The following DPYSL2 variants were observed in gnomAD, a reference collection of about 807,000 sequenced individuals.
DPYSL2 encodes dihydropyrimidinase-related protein 2.
Under a neutral mutation model 69.9 loss-of-function variants are expected in DPYSL2, and 13 were observed. The observed-to-expected ratio is 0.19, with a 90% CI of 0.12 to 0.30. The LOEUF (loss-of-function observed/expected upper bound fraction) is 0.30, where lower values mean the gene tolerates loss of function less well. Ranked by LOEUF, DPYSL2 falls within the 10% of genes least tolerant of loss-of-function variation. The probability of loss-of-function intolerance (pLI) is 1.00; values close to 1 mark genes in which losing one functional copy is unlikely to be tolerated. For synonymous variants in DPYSL2, 326 were observed against 359.1 expected, an observed-to-expected ratio of 0.91 and a Z score of 1.04; for missense variants, 587 against 918.9, an observed-to-expected ratio of 0.64 and a Z score of 4.67.
Position 26,587,879 on chromosome 8 carries a change from A to G in DPYSL2, c.628+3896A>G, listed in dbSNP as rs371926516. On this transcript the variant is annotated intron_variant, in intron 3 of 13. Transcript: ENST00000521913. This position sits in a 1 kb window ranked among gnomAD's most constrained non-coding sequence, Gnocchi z 4.2. The stretch of plus-strand genomic sequence containing the variant: ...GAAGCAGCTGGGAACAGTTACCTCT[A>G]TTTTATAGAGGGGAAGACTGAGGCC... 3.9e-5 allele frequency among the ~76,000 whole-genome samples: 6 copies of G among 152,234 alleles called. No individual in the cohort carries two copies. Among genetic ancestry groups the G allele is most frequent in the South Asian group, 2.1e-4 (1 of 4,824 alleles).
At chr8:26,613,949 T>C (rs1254895756) in intron 3 of DPYSL2, among the ~76,000 whole-genome samples, 5 of 151,926 alleles carry the variant, frequency 3.3e-5, no homozygotes, top group African/African-American at 4.8e-5. Flanking sequence ...CTGGGCAACA[T>C]GGGAGACACT....
chr8:26,602,138 ATTTTT>A (rs374443692), intron 3 of DPYSL2, among the ~76,000 whole-genome samples: 32 of 135,298 alleles, frequency 2.4e-4, no homozygotes, highest in African/African-American at 8.5e-4. Flanking sequence ...AACAAAGGAA[ATTTTT>A]TTTTTTTTTT....
chr8:26,543,403 A>G (rs1800715229), intron 1 of DPYSL2, among the ~76,000 whole-genome samples: 2 of 152,136 alleles, frequency 1.3e-5, no homozygotes, highest in African/African-American at 4.8e-5. Flanking sequence ...GCTCAGGGAT[A>G]GGTTAACAAT....
chr8:26,616,881 A>G (rs768750211), intron 3 of DPYSL2, among the ~76,000 whole-genome samples: 5 of 151,770 alleles, frequency 3.3e-5, no homozygotes, highest in African/African-American at 7.3e-5. Context: ...CCTCCCTTCT[A>G]TTCCACGTGT....
chr8:26,557,826 A>G (rs1479803766), intron 1 of DPYSL2, among the ~76,000 whole-genome samples: 1 of 151,866 alleles, frequency 6.6e-6, no homozygotes, highest in Non-Finnish European at 1.5e-5. Context: ...CAACAATGAG[A>G]TACCACTACA....
At chr8:26,577,910 A>G in intron 1 of DPYSL2, 2 of 1,152,232 alleles carry the variant, frequency 1.7e-6, no homozygotes, top group Non-Finnish European at 2.1e-6. Context: ...CTGGCGGCGC[A>G]TGCGCCACGG....
intron 1 of DPYSL2, among the ~76,000 whole-genome samples, chr8:26,573,532 G>C (rs1055952449): frequency 1.1e-4 from 17 of 151,996 alleles, no homozygotes; most frequent in Non-Finnish European, 2.5e-4. Context: ...AGCTGGGCGT[G>C]GTGGTAGGCA....
In DPYSL2 at chr8:26,646,647, G is replaced by A. The variant is rs117449787; in HGVS notation, c.1426-983G>A. Among the ~76,000 whole-genome samples the A allele has an allele frequency of 1.4e-4, 22 of 152,186 alleles. No individual in the cohort carries two copies. In the East Asian group the frequency reaches 4.3e-3, roughly 29 times the overall value. ...GGGAAGCACTTGAGGAAATGTGATTGGCACCTAAAACCAGATGTGGGGCGG... is the reference window on the plus strand; with the variant it reads ...GGGAAGCACTTGAGGAAATGTGATTAGCACCTAAAACCAGATGTGGGGCGG... On this transcript the variant is annotated intron_variant, in intron 10 of 13. Coordinates refer to ENST00000521913, the MANE Select transcript of DPYSL2 (RefSeq NM_001197293.3).
intron 1 of DPYSL2, among the ~76,000 whole-genome samples, chr8:26,566,458 T>A (rs1422979933): frequency 6.6e-6 from 1 of 152,222 alleles, no homozygotes; most frequent in Non-Finnish European, 1.5e-5. Flanking sequence ...ACTCTTGGAC[T>A]ATAGGGCTTT....
chr8:26,612,200 T>C (rs141578182), intron 3 of DPYSL2, among the ~76,000 whole-genome samples: 77 of 151,972 alleles, frequency 5.1e-4, no homozygotes, highest in Non-Finnish European at 8.2e-4. Flanking sequence ...GCAAAGAAAA[T>C]GGAAAAAGCA....
intron 1 of DPYSL2, among the ~76,000 whole-genome samples, chr8:26,555,308 A>T (rs994087631): frequency 6.6e-6 from 1 of 152,200 alleles, no homozygotes; most frequent in African/African-American, 2.4e-5. Context: ...GGAAGAAATA[A>T]AACTTTGTTT....
At chr8:26,524,796 T>A in intron 1 of DPYSL2, among the ~76,000 whole-genome samples, 1 of 70,762 alleles carries the variant, frequency 1.4e-5, no homozygotes, top group African/African-American at 6.1e-5. Flanking sequence ...AGAGAGACTC[T>A]GTCTCAAAAA....
intron 1 of DPYSL2, among the ~76,000 whole-genome samples, chr8:26,535,810 T>C (rs1800582297): frequency 6.6e-6 from 1 of 152,120 alleles, no homozygotes; most frequent in Non-Finnish European, 1.5e-5. Context: ...CAGAAACTCA[T>C]GTTAACAAAC....
chr8:26,634,728 G>A (rs984903936), intron 7 of DPYSL2, 52 bp from the exon 8 acceptor site: 4 of 1,611,734 alleles, frequency 2.5e-6, no homozygotes, highest in East Asian at 2.2e-5. Flanking sequence ...TAAAGGTAGC[G>A]GCTCGTGGGG....
At chr8:26,578,933 T>G (rs1483266723) in intron 1 of DPYSL2, among the ~76,000 whole-genome samples, 1 of 138,828 alleles carries the variant, frequency 7.2e-6, no homozygotes, top group Non-Finnish European at 1.6e-5. Flanking sequence ...GGCTTCTTGT[T>G]GGCCAGGAAC....
intron 3 of DPYSL2, among the ~76,000 whole-genome samples, chr8:26,606,647 G>A (rs995441469): frequency 9.9e-5 from 15 of 152,270 alleles, no homozygotes; most frequent in African/African-American, 3.6e-4. Context: ...TCAACTGAAT[G>A]AGTAATAAAA....
chr8:26,583,912 A>T lies in DPYSL2; in HGVS notation c.557A>T (p.Gln186Leu), dbSNP rs1314297736. ...DVHTRFQMPD[Q>L]GMTSADDFFQ... ...CACACTCGTTTCCAGATGCCTGATC[A>T]GGGAATGACGTCTGCTGATGATTTC... Residue 186 changes from glutamine to leucine, a missense_variant, in exon 3 of 14, where the codon CAG becomes CTG. By Grantham distance (113) the Gln-to-Leu change is moderately radical (BLOSUM62 -2). Around this residue, in one of 3 missense-constraint regions of DPYSL2, gnomAD observed 452 missense variants for 754.3 expected, o/e 0.60. Transcript: ENST00000521913. 5 of 1,614,190 alleles carry T rather than the reference A, an allele frequency of 3.1e-6. No homozygotes were observed. The highest frequency in any genetic ancestry group is 4.2e-6 in the Non-Finnish European group (5 of 1,180,030).
At position 26,514,567 on chromosome 8, in the gene DPYSL2, C is replaced by A. The variant is rs1452395813; in HGVS notation, c.242C>A (p.Pro81Gln). 3 of 1,527,052 alleles carry A rather than the reference C, an allele frequency of 2.0e-6. No homozygotes were observed. In the Admixed American group the frequency reaches 6.0e-5, roughly 30 times the overall value. 94.6% of individuals were successfully genotyped at this position (1,527,052 alleles called of 1,614,324 possible). ...VAHLGPDPQP[P>Q]YSRQGRRAGG... ...CACTTGGGCCCGGACCCGCAGCCGC[C>A]GTACTCGCGGCAGGGCCGGCGCGCC... The change falls in exon 1 of 14, where the codon CCG becomes CAG. Residue 81 changes from proline to glutamine, a missense_variant. Transcript: ENST00000521913. This position sits in a 1 kb window ranked among gnomAD's most constrained non-coding sequence, Gnocchi z 8.4.
Position 26,626,633 on chromosome 8 carries a change from C to T in DPYSL2, c.810C>T (p.Leu270=), listed in dbSNP as rs376325544. The change falls in exon 5 of 14, where the codon CTC becomes CTT. Residue 270 remains leucine (L), a synonymous_variant. Transcript: ENST00000521913. This position sits in a 1 kb window ranked among gnomAD's most constrained non-coding sequence, Gnocchi z 4.3. ...LVKDHGVNSF[L]VYMAFKDRFQ... is the part of the protein sequence containing the mutation. ...CCGCACTAGGGGTAAATTCCTTCCTCGTGTACATGGCTTTCAAAGATCGCT... is the reference window on the plus strand; with the variant it reads ...CCGCACTAGGGGTAAATTCCTTCCTTGTGTACATGGCTTTCAAAGATCGCT... The T allele has an allele frequency of 1.8e-5, 29 of 1,614,168 alleles. No individual in the cohort carries two copies. Among genetic ancestry groups the T allele is most frequent in the South Asian group, 7.7e-5 (7 of 91,068 alleles).
Sources: allele counts gnomAD v4.1 joint callset (sites outside exome capture counted in the v4.1 genomes callset), GRCh38; gene constraint gnomAD v4.1.1; regional missense constraint gnomAD v4.1.1; non-coding constraint Gnocchi (gnomAD v3.1); transcripts MANE v1.5; gene names NCBI Gene and HGNC (gene_info 2026-07-23, HGNC 2026-07-21).